SHANK2: variants seen among roughly 807,000 people sequenced by gnomAD.
SHANK2 encodes the protein SH3 and multiple ankyrin repeat domains protein 2.
SHANK2 carries 43 observed loss-of-function variants against 133.7 expected under a neutral mutation model. That is an observed-to-expected ratio of 0.32 (90% CI 0.25 to 0.41). The LOEUF is 0.41. SHANK2 is among the 10% of genes least tolerant of loss of function. SHANK2 has a pLI of 1.00. For synonymous variants in SHANK2, 1,017 were observed against 952.8 expected, an observed-to-expected ratio of 1.07 and a Z score of -1.24; for missense variants, 1,994 against 2,235.8, an observed-to-expected ratio of 0.89 and a Z score of 2.18.
chr11:70,660,172 A>T (rs1405248840), intron 16 of SHANK2, among the ~76,000 whole-genome samples: 1 of 152,206 alleles, frequency 6.6e-6, no homozygotes, highest in East Asian at 1.9e-4. Context: ...GGCCGCCATC[A>T]TATTTCTTGG....
At chr11:70,831,112 C>T (rs544411592) in intron 11 of SHANK2, among the ~76,000 whole-genome samples, 1 of 152,226 alleles carries the variant, frequency 6.6e-6, no homozygotes, top group African/African-American at 2.4e-5. Context: ...TGGGGGCAGG[C>T]GGGTAGCAGA....
At chr11:70,875,440 G>A (rs752257374) in intron 11 of SHANK2, among the ~76,000 whole-genome samples, 1 of 151,978 alleles carries the variant, frequency 6.6e-6, no homozygotes, top group Admixed American at 6.6e-5. Context: ...CAGGAGAAAG[G>A]CGTGAACCCG....
chr11:71,236,584 G>A (rs11232728), intron 1 of SHANK2, among the ~76,000 whole-genome samples: 75 of 152,316 alleles, frequency 4.9e-4, no homozygotes, highest in African/African-American at 1.5e-3. Context: ...GCTTGAGCCT[G>A]GTTCCAGTAG....
intron 11 of SHANK2, among the ~76,000 whole-genome samples, chr11:70,825,232 T>C (rs1002278661): frequency 2.0e-5 from 3 of 152,096 alleles, no homozygotes; most frequent in Non-Finnish European, 4.4e-5. Context: ...AAAAAGTCTA[T>C]AAAAGAACAG....
chr11:70,813,099 G>A (rs1275785962), intron 12 of SHANK2, among the ~76,000 whole-genome samples: 1 of 152,136 alleles, frequency 6.6e-6, no homozygotes, highest in African/African-American at 2.4e-5. Context: ...GCAGACCCCC[G>A]TGAATGGTAG....
chr11:70,673,393 A>G (rs1944851708), intron 15 of SHANK2, among the ~76,000 whole-genome samples: 1 of 152,158 alleles, frequency 6.6e-6, no homozygotes, highest in African/African-American at 2.4e-5. Flanking sequence ...GTTAATTAAA[A>G]TGACAGGCCA....
chr11:70,798,201 C>G (rs1333540939), intron 14 of SHANK2, among the ~76,000 whole-genome samples: 1 of 152,162 alleles, frequency 6.6e-6, no homozygotes, highest in African/African-American at 2.4e-5. Context: ...TTTTCTGGGA[C>G]GTGTACTGAG....
At chr11:70,617,524 G>A (rs1481375713) in intron 17 of SHANK2, among the ~76,000 whole-genome samples, 1 of 152,088 alleles carries the variant, frequency 6.6e-6, no homozygotes, top group Non-Finnish European at 1.5e-5. Flanking sequence ...AGAGCTGATC[G>A]TGGGCTTCAG....
intron 14 of SHANK2, among the ~76,000 whole-genome samples, chr11:70,790,173 G>T (rs1947757635): frequency 6.6e-6 from 1 of 152,210 alleles, no homozygotes; most frequent in South Asian, 2.1e-4. Context: ...GAGGAGGAAG[G>T]ATCAAGTGAT....
intron 10 of SHANK2, among the ~76,000 whole-genome samples, chr11:70,953,911 T>C (rs1555087169): frequency 6.6e-6 from 1 of 152,072 alleles, no homozygotes; most frequent in Non-Finnish European, 1.5e-5. Context: ...GCCAGGGAGC[T>C]GGGCCAGCTC....
intron 14 of SHANK2, among the ~76,000 whole-genome samples, chr11:70,724,039 CT>C (rs11342822): frequency 0.57 from 82,120 of 143,702 alleles, 23,700 homozygotes; most frequent in African/African-American, 0.73. Context: ...AAAGTTCATT[CT>C]TTTTTTTTTT....
intron 14 of SHANK2, among the ~76,000 whole-genome samples, chr11:70,796,649 G>A (rs551332398): frequency 1.3e-5 from 2 of 152,210 alleles, no homozygotes; most frequent in Non-Finnish European, 1.5e-5. Context: ...AGGGGTGGAC[G>A]GGCAATGGCA....
At chr11:71,180,214 C>G (rs567411104) in intron 2 of SHANK2, among the ~76,000 whole-genome samples, 1 of 152,342 alleles carries the variant, frequency 6.6e-6, no homozygotes, top group South Asian at 2.1e-4. Flanking sequence ...CTCACAATTA[C>G]ATCTAACTCC....
intron 17 of SHANK2, among the ~76,000 whole-genome samples, chr11:70,522,722 C>T (rs1236753694): frequency 1.3e-5 from 2 of 152,144 alleles, no homozygotes; most frequent in African/African-American, 2.4e-5. Context: ...CCATTCGGAC[C>T]GTGTCCCAGT....
At position 71,219,797 on chromosome 11, in the gene SHANK2, C is replaced by G. The variant is rs368513940; in HGVS notation, c.-13+4900G>C. 1.4e-4 allele frequency among the ~76,000 whole-genome samples: 21 copies of G among 152,162 alleles called. No individual in the cohort carries two copies. In the East Asian group the frequency reaches 3.3e-3, roughly 24 times the overall value. On this transcript the variant is annotated intron_variant, in intron 2 of 25. Transcript: ENST00000601538. ...CCTGTAATCTCAGCTACTCGGGAGG[C>G]TGAGGTAGGAGAATCACTTGAGCCC...
In SHANK2 at chr11:71,091,864, C is replaced by T. The variant is rs149325028; in HGVS notation, c.912+558G>A. Among the ~76,000 whole-genome samples, 3 of 152,206 alleles carry T rather than the reference C, an allele frequency of 2.0e-5. No individual in the cohort carries two copies. In the South Asian group the frequency reaches 6.2e-4, roughly 31 times the overall value. ...TCTATGGGGTCCTCAGCCTTTAACCCCGTCCACACCTCTACCTGATCAGGT... is the reference window on the plus strand; with the variant it reads ...TCTATGGGGTCCTCAGCCTTTAACCTCGTCCACACCTCTACCTGATCAGGT... On this transcript the variant is annotated intron_variant, in intron 8 of 25. Coordinates refer to ENST00000601538, the MANE Select transcript of SHANK2 (RefSeq NM_012309.5).
chr11:71,149,223 G>A (rs1952713217), intron 2 of SHANK2, among the ~76,000 whole-genome samples: 1 of 152,190 alleles, frequency 6.6e-6, no homozygotes. Flanking sequence ...TGCGAGAACA[G>A]CTCGCTGCCT....
intron 15 of SHANK2, among the ~76,000 whole-genome samples, chr11:70,685,170 C>A (rs1335529411): frequency 6.6e-6 from 1 of 152,046 alleles, no homozygotes; most frequent in Non-Finnish European, 1.5e-5. Context: ...CCCCAAAAAA[C>A]AAAAAACTGG....
At chr11:71,145,363 G>A (rs576915184) in intron 3 of SHANK2, among the ~76,000 whole-genome samples, 64 of 152,380 alleles carry the variant, frequency 4.2e-4, no homozygotes, top group African/African-American at 1.5e-3. Flanking sequence ...ATGCATTTGT[G>A]TTGAGCCGCA....
Sources: gnomAD v4.1 joint callset for allele counts (sites outside exome capture counted in the v4.1 genomes callset) on GRCh38, gnomAD v4.1.1 for gene constraint, MANE v1.5 for transcripts, NCBI Gene and HGNC (gene_info 2026-07-23, HGNC 2026-07-21) for gene names.